Variants in PAIP2 observed in about 807,000 individuals in gnomAD.
The protein encoded by PAIP2 is poly(A) binding protein interacting protein 2.
PAIP2 carries 7 observed loss-of-function variants against 14.8 expected under a neutral mutation model. That is an observed-to-expected ratio of 0.47 (90% CI 0.27 to 0.89). PAIP2 has a LOEUF of 0.89. PAIP2 is among the 40% of genes least tolerant of loss of function. The pLI is 0.13. For missense variants in PAIP2, 122 were observed against 154.7 expected (o/e 0.79, Z 1.12); for synonymous variants, 47 against 45.3 (o/e 1.04, Z -0.15).
intron 2 of PAIP2, 59 bp downstream of exon 2, chr5:139,363,981 C>G (rs1757147387): frequency 1.4e-6 from 2 of 1,431,920 alleles, no homozygotes; most frequent in East Asian, 2.3e-5. Context: ...TATGATTGTA[C>G]TTGTCCCTGA....
At chr5:139,362,944 GA>G (rs1757115236) in intron 1 of PAIP2, among the ~76,000 whole-genome samples, 1 of 152,014 alleles carries the variant, frequency 6.6e-6, no homozygotes, top group African/African-American at 2.4e-5. Flanking sequence ...ACTGTTATCG[GA>G]AAACATTAGA....
At chr5:139,352,629 G>A (rs1756781120) in intron 1 of PAIP2, among the ~76,000 whole-genome samples, 1 of 150,886 alleles carries the variant, frequency 6.6e-6, no homozygotes, top group South Asian at 2.1e-4. Context: ...GTGCCACCAC[G>A]CCCGGCTACT....
At chr5:139,368,590 C>T in intron 3 of PAIP2, 143 bp from the exon 4 acceptor site, 1 of 610,504 alleles carries the variant, frequency 1.6e-6, no homozygotes, top group South Asian at 2.0e-5. Flanking sequence ...TCTGGTTCTT[C>T]CTTTTTGGGG....
At chr5:139,344,064 A>G (rs1038780164) in intron 1 of PAIP2, among the ~76,000 whole-genome samples, 11 of 152,206 alleles carry the variant, frequency 7.2e-5, no homozygotes, top group Non-Finnish European at 5.9e-5. Context: ...TTATATAACA[A>G]TAATGCCAGG....
At chr5:139,367,271 T>G (rs1336615259) in intron 3 of PAIP2, 1 of 152,210 alleles carries the variant, frequency 6.6e-6, no homozygotes, top group Non-Finnish European at 1.5e-5. Context: ...TGTAAAAGCC[T>G]TGCAGCATAC....
intron 1 of PAIP2, among the ~76,000 whole-genome samples, chr5:139,346,811 C>T (rs1040781385): frequency 6.6e-6 from 1 of 151,728 alleles, no homozygotes; most frequent in Non-Finnish European, 1.5e-5. Flanking sequence ...TGAGCTGCTG[C>T]GCCCAGCTTA....
intron 1 of PAIP2, among the ~76,000 whole-genome samples, chr5:139,348,154 A>G (rs1561957243): frequency 1.3e-5 from 2 of 151,892 alleles, no homozygotes. Flanking sequence ...TCAAAAAAAA[A>G]AAAAAAAAAA....
At chr5:139,346,333 C>T (rs1756548074) in intron 1 of PAIP2, among the ~76,000 whole-genome samples, 1 of 152,224 alleles carries the variant, frequency 6.6e-6, no homozygotes, top group African/African-American at 2.4e-5. Context: ...CCTCCGCCTC[C>T]CAGGTTCCAG....
rs1581282621 is a variant in PAIP2, at chr5:139,343,331, G to A, written c.-27+1351G>A. On this transcript the variant is annotated intron_variant, in intron 1 of 3. Coordinates refer to ENST00000265192, the MANE Select transcript of PAIP2 (RefSeq NM_016480.5). The stretch of plus-strand genomic sequence containing the variant: ...AGAACCCACTTGTGTTTCTTTAAGG[G>A]ATGGAGGTTAGGGAATGGAGATTTC... 6 of 152,314 alleles carry A rather than the reference G, an allele frequency of 3.9e-5. No homozygotes were observed. The South Asian group carries it at 1.0e-3, about 26-fold the overall frequency. The allele number at this position is 152,314 out of a possible 1,614,324, so 9.4% of individuals were successfully genotyped here.
intron 1 of PAIP2, among the ~76,000 whole-genome samples, chr5:139,354,630 A>T (rs1756851892): frequency 6.6e-6 from 1 of 151,886 alleles, no homozygotes; most frequent in African/African-American, 2.4e-5. Context: ...TGGTAATTCC[A>T]TTGTATATAT....
At chr5:139,351,342 A>G (rs1265440207) in intron 1 of PAIP2, among the ~76,000 whole-genome samples, 1 of 152,144 alleles carries the variant, frequency 6.6e-6, no homozygotes, top group African/African-American at 2.4e-5. Context: ...GATCATAGCA[A>G]GATTGTGTGT....
In PAIP2 at chr5:139,363,653, T is replaced by TGGA. The variant is rs1757136788; in HGVS notation, c.-26-105_-26-104insGAG. ...AAGAGATCGAGGCTGTGGTGAGCCA[T>TGGA]GATCACACCATTGCACTCCAGCCTG... On this transcript the variant is annotated intron_variant, in intron 1 of 3. Transcript: ENST00000265192. 9.3e-5 allele frequency: 88 copies of TGGA among 950,606 alleles called. No individual in the cohort carries two copies. The African/African-American group carries it at 1.4e-3, about 15-fold the overall frequency. The allele number at this position is 950,606 out of a possible 1,614,324, so 58.9% of individuals were successfully genotyped here.
chr5:139,362,274 G>A (rs1757086751), intron 1 of PAIP2, among the ~76,000 whole-genome samples: 1 of 152,000 alleles, frequency 6.6e-6, no homozygotes, highest in African/African-American at 2.4e-5. Context: ...AGGCTGGAGT[G>A]CAGTGGTGCA....
chr5:139,361,670 C>T (rs781159287), intron 1 of PAIP2, among the ~76,000 whole-genome samples: 3 of 151,988 alleles, frequency 2.0e-5, no homozygotes, highest in Admixed American at 6.6e-5. Flanking sequence ...CTGGGCTGGG[C>T]GCGATGGCTC....
chr5:139,345,296 C>T (rs1036511352), intron 1 of PAIP2, among the ~76,000 whole-genome samples: 1 of 151,962 alleles, frequency 6.6e-6, no homozygotes, highest in Non-Finnish European at 1.5e-5. Flanking sequence ...GCCTTGGCCT[C>T]CCAAAGTGCT....
At chr5:139,347,840 T>C (rs754048649) in intron 1 of PAIP2, among the ~76,000 whole-genome samples, 37 of 151,990 alleles carry the variant, frequency 2.4e-4, no homozygotes, top group Non-Finnish European at 3.4e-4. Flanking sequence ...TTTTGAACTA[T>C]TTTACAAAGA....
chr5:139,348,953 A>T (rs1273338238), intron 1 of PAIP2, among the ~76,000 whole-genome samples: 1 of 150,384 alleles, frequency 6.6e-6, no homozygotes, highest in African/African-American at 2.4e-5. Flanking sequence ...TGGGATTACA[A>T]GCGTGAGCCA....
intron 1 of PAIP2, among the ~76,000 whole-genome samples, chr5:139,345,777 G>A (rs1756526635): frequency 6.6e-6 from 1 of 151,464 alleles, no homozygotes; most frequent in African/African-American, 2.4e-5. Flanking sequence ...ACAGACGCTT[G>A]CCACCATGCC....
rs1402149338 is a variant in PAIP2, at chr5:139,366,187, A to C, written c.318+1444A>C. ...CGTTGCACTCTAGCCTGGGCGACAG[A>C]GTGAGACTCCACCTCAAAAAAAAAA... is the stretch of plus-strand genomic sequence containing the variant. On this transcript the variant is annotated intron_variant, in intron 3 of 3. Coordinates refer to ENST00000265192, the MANE Select transcript of PAIP2 (RefSeq NM_016480.5). 2.3e-5 allele frequency among the ~76,000 whole-genome samples: 3 copies of C among 128,082 alleles called. No individual in the cohort carries two copies. The East Asian group carries it at 8.1e-4, about 34-fold the overall frequency. 84.0% of individuals were successfully genotyped at this position (128,082 alleles called of 152,430 possible). A position where few individuals can be genotyped will look rare whatever the true frequency, so the allele number is the denominator to read the frequency against.
Sources: gnomAD v4.1 joint callset for allele counts (sites outside exome capture counted in the v4.1 genomes callset) on GRCh38, gnomAD v4.1.1 for gene constraint, MANE v1.5 for transcripts, NCBI Gene and HGNC (gene_info 2026-07-23, HGNC 2026-07-21) for gene names.